The following MIR2052HG variants were observed in gnomAD, a reference collection of about 807,000 sequenced individuals.
MIR2052HG encodes MIR2052 host gene.
chr8:74,681,065 G>A (rs1300904370), intron 2 of MIR2052HG, among the ~76,000 whole-genome samples: 1 of 119,028 alleles, frequency 8.4e-6, no homozygotes, highest in Non-Finnish European at 1.7e-5. Flanking sequence ...GACTGTTGTG[G>A]GGTGGGGGGA....
rs558788191 is a variant in MIR2052HG at position 74,736,216 on chromosome 8, T to G, written n.372-16225T>G. On this transcript the variant is annotated intron_variant and non_coding_transcript_variant, in intron 4 of 6. Coordinates refer to ENST00000523442, the Ensembl canonical transcript of MIR2052HG. ...TCCTTTGGTCTCTTTCTTTTTCCAT[T>G]GCACTCTCACATTTACTTAAAATAG... Among the ~76,000 whole-genome samples, 180 of 152,340 alleles carry G rather than the reference T, an allele frequency of 1.2e-3. 1 individual carries two copies. Among genetic ancestry groups the G allele is most frequent in the African/African-American group, 4.2e-3 (173 of 41,586 alleles).
chr8:74,705,015 G>A (rs1226945288), intron 4 of MIR2052HG, among the ~76,000 whole-genome samples: 1 of 151,908 alleles, frequency 6.6e-6, no homozygotes, highest in Admixed American at 6.6e-5. Flanking sequence ...TGATGGTATA[G>A]CAGCTCAGCT....
chr8:74,720,512 C>G (rs1334514655), intron 4 of MIR2052HG, among the ~76,000 whole-genome samples: 1 of 152,060 alleles, frequency 6.6e-6, no homozygotes, highest in East Asian at 1.9e-4. Flanking sequence ...AATGATCTGC[C>G]ATAAATACAC....
chr8:74,642,427 A>G (rs1422659215), intron 2 of MIR2052HG, among the ~76,000 whole-genome samples: 1 of 152,142 alleles, frequency 6.6e-6, no homozygotes, highest in East Asian at 1.9e-4. Context: ...AGTGCCAGGA[A>G]TTGTTGTAGA....
rs144870229 is a variant in MIR2052HG at position 74,656,749 on chromosome 8, T to C, written n.216+43809T>C. Among the ~76,000 whole-genome samples the C allele has an allele frequency of 4.3e-4, 65 of 152,304 alleles. No individual in the cohort carries two copies. In the East Asian group the frequency reaches 9.9e-3, roughly 23 times the overall value. ...GTATCCTGGAGAGGCAAGGTGACTGTACCAGAGAGGACTGCCCACTTCTGA... is the reference window on the plus strand; with the variant it reads ...GTATCCTGGAGAGGCAAGGTGACTGCACCAGAGAGGACTGCCCACTTCTGA... On this transcript the variant is annotated intron_variant and non_coding_transcript_variant, in intron 2 of 6. Transcript: ENST00000523442.
In MIR2052HG at chr8:74,726,358, G is replaced by A. The variant is rs531129733; in HGVS notation, n.371+22676G>A. 3.3e-5 allele frequency among the ~76,000 whole-genome samples: 5 copies of A among 152,180 alleles called. No homozygotes were observed. In the East Asian group the frequency reaches 9.7e-4, roughly 29 times the overall value. On this transcript the variant is annotated intron_variant and non_coding_transcript_variant, in intron 4 of 6. Coordinates refer to ENST00000523442, the Ensembl canonical transcript of MIR2052HG. Reference sequence around the variant, plus strand: ...AAAAATAGACTTGGTGTGATTACCAGTTATTTTATTTTCATTATTTTGAGA... The same window carrying A: ...AAAAATAGACTTGGTGTGATTACCAATTATTTTATTTTCATTATTTTGAGA...
chr8:74,664,862 G>C (rs1434844490), intron 2 of MIR2052HG, among the ~76,000 whole-genome samples: 2 of 152,094 alleles, frequency 1.3e-5, no homozygotes, highest in African/African-American at 2.4e-5. Context: ...CAACTTCCTG[G>C]ACTTTGCATC....
chr8:74,602,865 C>CTTTCTTTCTTTCTTTCTTTCT (rs879678607), intron 1 of MIR2052HG, among the ~76,000 whole-genome samples: 113 of 142,758 alleles, frequency 7.9e-4, no homozygotes, highest in African/African-American at 2.8e-3. Context: ...TTCTTTCTTT[C>CTTTCTTTCTTTCTTTCTTTCT]TTTCTTTCTT....
At chr8:74,745,552 T>C (rs1038308287) in intron 4 of MIR2052HG, among the ~76,000 whole-genome samples, 1 of 152,132 alleles carries the variant, frequency 6.6e-6, no homozygotes, top group East Asian at 1.9e-4. Flanking sequence ...ATAGTCTTTA[T>C]GTAAACATCA....
At chr8:74,747,700 T>A (rs773145523) in intron 4 of MIR2052HG, among the ~76,000 whole-genome samples, 1 of 152,180 alleles carries the variant, frequency 6.6e-6, no homozygotes, top group Non-Finnish European at 1.5e-5. Context: ...ACCTAAAGTA[T>A]GTTTCACCAA....
chr8:74,692,348 TC>T (rs1809248391), intron 2 of MIR2052HG, among the ~76,000 whole-genome samples: 1 of 152,154 alleles, frequency 6.6e-6, no homozygotes, highest in Non-Finnish European at 1.5e-5. Flanking sequence ...TACCTCGGCC[TC>T]CCAAAGTGCC....
chr8:74,747,661 A>G (rs567810147), intron 4 of MIR2052HG, among the ~76,000 whole-genome samples: 2 of 152,226 alleles, frequency 1.3e-5, no homozygotes, highest in Non-Finnish European at 2.9e-5. Context: ...CAAGAGTGAC[A>G]TTCTTGGTTA....
intron 2 of MIR2052HG, among the ~76,000 whole-genome samples, chr8:74,685,512 C>T (rs1209616014): frequency 6.6e-6 from 1 of 152,090 alleles, no homozygotes; most frequent in Non-Finnish European, 1.5e-5. Flanking sequence ...TTATCTTTTG[C>T]TTCCATTCTG....
chr8:74,607,164 G>C (rs936495405), intron 1 of MIR2052HG, among the ~76,000 whole-genome samples: 1 of 150,442 alleles, frequency 6.6e-6, no homozygotes, highest in East Asian at 1.9e-4. Flanking sequence ...TCAAAAGAAA[G>C]CTGGAGTGGC....
chr8:74,757,851 C>G (rs1320352582), intron 5 of MIR2052HG: 1 of 151,978 alleles, frequency 6.6e-6, no homozygotes, highest in South Asian at 2.1e-4. Flanking sequence ...CCTGCTAGTT[C>G]CTTTGTGGGG....
chr8:74,704,638 C>T (rs1158832336), intron 4 of MIR2052HG, among the ~76,000 whole-genome samples: 1 of 152,036 alleles, frequency 6.6e-6, no homozygotes, highest in Non-Finnish European at 1.5e-5. Flanking sequence ...GTGGGGATAA[C>T]TGCACTTAGA....
At chr8:74,609,196 A>G (rs930618584) in intron 1 of MIR2052HG, among the ~76,000 whole-genome samples, 1 of 151,984 alleles carries the variant, frequency 6.6e-6, no homozygotes, top group African/African-American at 2.4e-5. Context: ...TTGACTACTT[A>G]CAAGAAAAGA....
intron 2 of MIR2052HG, among the ~76,000 whole-genome samples, chr8:74,682,930 A>G (rs1289911569): frequency 6.6e-6 from 1 of 152,202 alleles, no homozygotes; most frequent in African/African-American, 2.4e-5. Context: ...ATGAAAATGA[A>G]TGAACCACAA....
chr8:74,681,110 A>G (rs973658726), intron 2 of MIR2052HG, among the ~76,000 whole-genome samples: 3 of 150,444 alleles, frequency 2.0e-5, no homozygotes, highest in Admixed American at 6.6e-5. Context: ...TATACCTAAT[A>G]CTAGATGACG....
Sources: allele counts gnomAD v4.1 joint callset (sites outside exome capture counted in the v4.1 genomes callset), GRCh38; gene constraint gnomAD v4.1.1; transcripts MANE v1.5; gene names NCBI Gene and HGNC (gene_info 2026-07-23, HGNC 2026-07-21).